The following VPS13B variants were observed in gnomAD, a reference collection of about 807,000 sequenced individuals.
The protein encoded by VPS13B is vacuolar protein sorting 13 homolog B, also known as intermembrane lipid transfer protein VPS13B.
VPS13B carries 285 observed loss-of-function variants against 426.4 expected under a neutral mutation model. That is an observed-to-expected ratio of 0.67 (90% CI 0.61 to 0.74). The LOEUF is 0.74. Among genes scored for constraint, VPS13B ranks in the 30% least tolerant of loss-of-function variants. The pLI is 0.00. For missense variants in VPS13B, 4,537 were observed against 4,782.6 expected, an observed-to-expected ratio of 0.95 and a Z score of 1.51; for synonymous variants, 1,676 against 1,676.4, an observed-to-expected ratio of 1.00 and a Z score of 0.01.
intron 34 of VPS13B, among the ~76,000 whole-genome samples, chr8:99,650,424 CAT>C (rs1231896058): frequency 2.6e-5 from 4 of 152,118 alleles, no homozygotes; most frequent in African/African-American, 9.7e-5. Flanking sequence ...TTCCCCAGCA[CAT>C]GTGACTGATA....
At chr8:99,558,328 C>T (rs1554844681) in intron 31 of VPS13B, among the ~76,000 whole-genome samples, 1 of 152,110 alleles carries the variant, frequency 6.6e-6, no homozygotes, top group Non-Finnish European at 1.5e-5. Context: ...CTTCTCTGTA[C>T]CTGTAACTGT....
intron 19 of VPS13B, among the ~76,000 whole-genome samples, chr8:99,313,702 CAG>C (rs1373185811): frequency 1.3e-5 from 2 of 152,154 alleles, no homozygotes; most frequent in Non-Finnish European, 1.5e-5. Flanking sequence ...ACCTGTCAGA[CAG>C]GGATATTTAA....
intron 39 of VPS13B, among the ~76,000 whole-genome samples, chr8:99,751,392 A>G (rs1208472313): frequency 6.6e-6 from 1 of 152,168 alleles, no homozygotes; most frequent in Non-Finnish European, 1.5e-5. Context: ...TGGACTGTAA[A>G]GACATATTCA....
rs537536826 is a variant in VPS13B at position 99,841,041 on chromosome 8, G to T, written c.9942+5303G>T. On this transcript the variant is annotated intron_variant, in intron 54 of 61. Coordinates refer to ENST00000357162, the MANE Select transcript of VPS13B (RefSeq NM_152564.5). ...CTCCTCTGTGTTTACAGTTTGTTCT[G>T]GCTGAGTCACAACTGTTTCCAAAGA... Among the ~76,000 whole-genome samples, 60 of 152,230 alleles carry T rather than the reference G, an allele frequency of 3.9e-4. 2 individuals carry two copies. The East Asian group carries it at 4.6e-3, about 12-fold the overall frequency.
intron 19 of VPS13B, chr8:99,348,214 A>C (rs1811652473): frequency 6.6e-6 from 1 of 152,140 alleles, no homozygotes; most frequent in South Asian, 2.1e-4. Context: ...GCTCATGGTC[A>C]CCTTGGCCTT....
chr8:99,582,071 A>G (rs1364114961), intron 33 of VPS13B, among the ~76,000 whole-genome samples: 1 of 152,196 alleles, frequency 6.6e-6, no homozygotes, highest in African/African-American at 2.4e-5. Context: ...ACAGAGCTCC[A>G]CTACTCAGCC....
intron 16 of VPS13B, among the ~76,000 whole-genome samples, chr8:99,184,715 G>A (rs1370377100): frequency 6.6e-6 from 1 of 152,186 alleles, no homozygotes. Context: ...AGCTGGCCAG[G>A]CATGGTGGCT....
chr8:99,626,175 A>G (rs1299671372), intron 33 of VPS13B, among the ~76,000 whole-genome samples: 1 of 152,232 alleles, frequency 6.6e-6, no homozygotes, highest in African/African-American at 2.4e-5. Context: ...TGTAGTAGCT[A>G]AAAGGCAGAA....
intron 39 of VPS13B, among the ~76,000 whole-genome samples, chr8:99,749,448 T>G (rs1246390050): frequency 6.6e-6 from 1 of 152,032 alleles, no homozygotes; most frequent in Non-Finnish European, 1.5e-5. Context: ...ATGAGTTCAA[T>G]CATTTCAATT....
intron 25 of VPS13B, among the ~76,000 whole-genome samples, chr8:99,492,286 A>T (rs1238058132): frequency 6.6e-6 from 1 of 152,122 alleles, no homozygotes; most frequent in Admixed American, 6.5e-5. Context: ...GTCGGCCCCT[A>T]CTGGGAGGTG....
intron 40 of VPS13B, among the ~76,000 whole-genome samples, chr8:99,771,530 C>G (rs1811488106): frequency 6.6e-6 from 1 of 152,196 alleles, no homozygotes; most frequent in Admixed American, 6.5e-5. Flanking sequence ...ATCTTTGAGA[C>G]AGTGATCCAC....
At chr8:99,382,956 A>G (rs1289290697) in intron 19 of VPS13B, among the ~76,000 whole-genome samples, 1 of 152,156 alleles carries the variant, frequency 6.6e-6, no homozygotes, top group African/African-American at 2.4e-5. Flanking sequence ...CCTATATGCT[A>G]CGGGTTTGGC....
chr8:99,513,117 A>G (rs1203401538), intron 29 of VPS13B, among the ~76,000 whole-genome samples: 1 of 151,626 alleles, frequency 6.6e-6, no homozygotes, highest in Non-Finnish European at 1.5e-5. Context: ...ATAAAGTTTT[A>G]TACTATATAA....
chr8:99,129,781 A>G (rs936045488), intron 8 of VPS13B, among the ~76,000 whole-genome samples: 27 of 152,122 alleles, frequency 1.8e-4, no homozygotes, highest in African/African-American at 6.0e-4. Context: ...TTGATTGTTG[A>G]GAGGAATTAT....
chr8:99,793,161 G>A (rs1465732774), intron 43 of VPS13B, among the ~76,000 whole-genome samples: 1 of 149,274 alleles, frequency 6.7e-6, no homozygotes, highest in Non-Finnish European at 1.5e-5. Flanking sequence ...CTGAGATCAT[G>A]CCACTGCACT....
chr8:99,697,398 A>G, intron 35 of VPS13B: 1 of 629,284 alleles, frequency 1.6e-6, no homozygotes, highest in Non-Finnish European at 2.8e-6. Flanking sequence ...AGAGACCCTG[A>G]AGGACACTGC....
intron 17 of VPS13B, among the ~76,000 whole-genome samples, chr8:99,210,348 C>T (rs186916873): frequency 1.3e-5 from 2 of 152,264 alleles, no homozygotes; most frequent in Admixed American, 1.3e-4. Flanking sequence ...TATTCTCAAA[C>T]ACATCTCCCA....
chr8:99,494,438 G>A (rs562098667), intron 25 of VPS13B, among the ~76,000 whole-genome samples: 1 of 151,854 alleles, frequency 6.6e-6, no homozygotes, highest in East Asian at 1.9e-4. Flanking sequence ...TTATTCTTAA[G>A]CATTTTATTA....
chr8:99,502,795 G>C, intron 26 of VPS13B, 41 bp from the exon 27 acceptor site: 1 of 1,380,082 alleles, frequency 7.2e-7, no homozygotes, highest in Admixed American at 1.7e-5. Context: ...AATATTAATT[G>C]TGAAGACTGT....
Sources: gnomAD v4.1 joint callset for allele counts (sites outside exome capture counted in the v4.1 genomes callset) on GRCh38, gnomAD v4.1.1 for gene constraint, MANE v1.5 for transcripts, NCBI Gene and HGNC (gene_info 2026-07-23, HGNC 2026-07-21) for gene names.